Variants in NCALD observed in about 807,000 individuals in gnomAD.
NCALD encodes the protein neurocalcin delta, also known as neurocalcin-delta.
Under a neutral mutation model 18.6 loss-of-function variants are expected in NCALD, and 10 were observed. That is an observed-to-expected ratio of 0.54 (90% CI 0.33 to 0.91). The LOEUF is 0.91. NCALD is among the 40% of genes least tolerant of loss of function. The pLI is 0.03. For synonymous variants in NCALD, 88 were observed against 87.4 expected, an observed-to-expected ratio of 1.01 and a Z score of -0.04; for missense variants, 184 against 247.6, an observed-to-expected ratio of 0.74 and a Z score of 1.72.
At chr8:101,690,293 G>A in intron 3 of NCALD, 1 of 985,344 alleles carries the variant, frequency 1.0e-6, no homozygotes, top group Non-Finnish European at 1.2e-6. Context: ...CCCCGCCCCT[G>A]GGAGTGAAGT....
At chr8:101,690,864 A>C (rs781333023) in intron 3 of NCALD, 10 of 985,138 alleles carry the variant, frequency 1.0e-5, no homozygotes, top group Non-Finnish European at 1.2e-5. Context: ...AACACTTTGC[A>C]GTCTCTCAGG....
intron 1 of NCALD, among the ~76,000 whole-genome samples, chr8:101,772,263 T>C (rs1037508224): frequency 6.6e-5 from 10 of 152,320 alleles, no homozygotes; most frequent in Non-Finnish European, 1.3e-4. Flanking sequence ...TTAAGAAACA[T>C]GCTAACTTTC....
chr8:101,848,909 A>G (rs773317388), intron 4 of NCALD, among the ~76,000 whole-genome samples: 8 of 152,206 alleles, frequency 5.3e-5, no homozygotes, highest in Non-Finnish European at 1.0e-4. Context: ...ATACATGCAC[A>G]CGTATGTTCA....
At chr8:101,741,040 T>C (rs1810162871) in intron 1 of NCALD, among the ~76,000 whole-genome samples, 2 of 152,194 alleles carry the variant, frequency 1.3e-5, no homozygotes. Flanking sequence ...TTGTTCAAAA[T>C]AGCTTGTAGT....
intron 1 of NCALD, among the ~76,000 whole-genome samples, chr8:102,040,550 G>A (rs1243677544): frequency 6.6e-6 from 1 of 152,104 alleles, no homozygotes; most frequent in Non-Finnish European, 1.5e-5. Flanking sequence ...TATCAACCTA[G>A]AGAAAGGTAA....
chr8:101,862,559 A>G (rs1815588909), intron 4 of NCALD, among the ~76,000 whole-genome samples: 1 of 152,236 alleles, frequency 6.6e-6, no homozygotes, highest in Non-Finnish European at 1.5e-5. Context: ...GTAGCTAGTG[A>G]TTAATATCTA....
intron 1 of NCALD, among the ~76,000 whole-genome samples, chr8:102,075,901 G>A (rs562590790): frequency 1.3e-5 from 2 of 151,494 alleles, no homozygotes; most frequent in African/African-American, 2.4e-5. Context: ...GCAGTAAGCC[G>A]AGATTCCACC....
chr8:101,955,250 G>T (rs1256851380), intron 2 of NCALD, among the ~76,000 whole-genome samples: 1 of 152,198 alleles, frequency 6.6e-6, no homozygotes, highest in African/African-American at 2.4e-5. Context: ...TTTTAGAAGG[G>T]GGGAGGACGT....
intron 4 of NCALD, among the ~76,000 whole-genome samples, chr8:101,848,203 A>G (rs1053630482): frequency 2.0e-5 from 3 of 152,118 alleles, no homozygotes; most frequent in Non-Finnish European, 4.4e-5. Flanking sequence ...AGTTGTAGAG[A>G]GCTCAGAGGC....
intron 2 of NCALD, among the ~76,000 whole-genome samples, chr8:102,002,718 G>A (rs374554147): frequency 3.9e-5 from 6 of 152,186 alleles, no homozygotes; most frequent in Non-Finnish European, 8.8e-5. Context: ...TCAGGATTAA[G>A]AAACGCATTC....
At chr8:101,716,999 G>C (rs1161180020) in intron 2 of NCALD, among the ~76,000 whole-genome samples, 2 of 152,198 alleles carry the variant, frequency 1.3e-5, no homozygotes, top group African/African-American at 4.8e-5. Flanking sequence ...ACACACCCCT[G>C]AGGAAACCTT....
At chr8:101,948,483 A>T (rs1479314791) in intron 2 of NCALD, among the ~76,000 whole-genome samples, 1 of 152,246 alleles carries the variant, frequency 6.6e-6, no homozygotes, top group Non-Finnish European at 1.5e-5. Flanking sequence ...CAAGACACTT[A>T]GTAAGCAGTT....
chr8:101,750,388 G>A (rs762954295), intron 1 of NCALD, among the ~76,000 whole-genome samples: 4 of 152,134 alleles, frequency 2.6e-5, no homozygotes, highest in Non-Finnish European at 5.9e-5. Flanking sequence ...CTTGATCACC[G>A]GAGAGGCCCA....
At chr8:101,709,275 C>T (rs1423730643) in intron 2 of NCALD, among the ~76,000 whole-genome samples, 2 of 152,182 alleles carry the variant, frequency 1.3e-5, no homozygotes, top group Admixed American at 6.5e-5. Flanking sequence ...TTTCCTGTTA[C>T]AGCTGAAGTG....
chr8:101,868,683 C>G (rs1815879310), intron 4 of NCALD, among the ~76,000 whole-genome samples: 1 of 152,126 alleles, frequency 6.6e-6, no homozygotes, highest in African/African-American at 2.4e-5. Context: ...AAAAACAAGG[C>G]TTTCTGCAAC....
chr8:101,735,285 T>C (rs1368755787), intron 1 of NCALD, among the ~76,000 whole-genome samples: 1 of 152,216 alleles, frequency 6.6e-6, no homozygotes, highest in Non-Finnish European at 1.5e-5. Context: ...ACCAGTCCTC[T>C]GGCTAACCTT....
intron 2 of NCALD, among the ~76,000 whole-genome samples, chr8:101,953,487 T>C (rs773672406): frequency 2.0e-5 from 3 of 152,236 alleles, no homozygotes; most frequent in African/African-American, 2.4e-5. Flanking sequence ...AAAACAAAGA[T>C]GACAAGCAAT....
At chr8:102,017,623 A>G (rs1822133260) in intron 2 of NCALD, among the ~76,000 whole-genome samples, 1 of 152,182 alleles carries the variant, frequency 6.6e-6, no homozygotes, top group South Asian at 2.1e-4. Flanking sequence ...TGAATCTGGG[A>G]GGCGGAGGTT....
At chr8:101,892,949 A>C (rs1439677685) in intron 3 of NCALD, among the ~76,000 whole-genome samples, 1 of 149,542 alleles carries the variant, frequency 6.7e-6, no homozygotes, top group Non-Finnish European at 1.5e-5. Flanking sequence ...GCAGGATATT[A>C]TCCAGGAGAA....
Sources: gnomAD v4.1 joint callset for allele counts (sites outside exome capture counted in the v4.1 genomes callset) on GRCh38, gnomAD v4.1.1 for gene constraint, MANE v1.5 for transcripts, NCBI Gene and HGNC (gene_info 2026-07-23, HGNC 2026-07-21) for gene names.